Variants in CLIC5 observed in about 807,000 individuals in gnomAD.
CLIC5 encodes chloride intracellular channel protein 5.
Under a neutral mutation model 24.7 loss-of-function variants are expected in CLIC5, and 20 were observed. The ratio of observed to expected loss-of-function variants is 0.81; its 90% CI spans 0.57 to 1.18. The LOEUF (loss-of-function observed/expected upper bound fraction) is 1.18. Among genes scored for constraint, CLIC5 ranks in the 50% most tolerant of loss-of-function variants. The pLI is 0.00. For missense variants in CLIC5, 341 were observed against 326.1 expected (o/e 1.05, Z -0.35); for synonymous variants, 159 against 135.6 (o/e 1.17, Z -1.20).
At chr6:46,112,737 T>C in the CLIC5 span, among the ~76,000 whole-genome samples, 1 of 152,116 alleles carries the variant, frequency 6.6e-6, no homozygotes, top group African/African-American at 2.4e-5. Context: ...ATAAATGAGC[T>C]TATCAAGGTC....
chr6:45,982,386 C>T lies in CLIC5; in HGVS notation c.64-27142G>A, dbSNP rs371669991. Among the ~76,000 whole-genome samples, 111 of 152,134 alleles carry T rather than the reference C, an allele frequency of 7.3e-4. 1 individual carries two copies. The South Asian group carries it at 0.019, about 26-fold the overall frequency. The stretch of plus-strand genomic sequence containing the variant: ...TATTATAAATTTTTTTATACAGTCA[C>T]GAATTGCTTAATAATAGGGATGCAT... On this transcript the variant is annotated intron_variant, in intron 1 of 5. Transcript: ENST00000339561.
the CLIC5 span, among the ~76,000 whole-genome samples, chr6:46,103,498 T>C: frequency 1.3e-5 from 2 of 152,332 alleles, no homozygotes; most frequent in East Asian, 1.9e-4. Flanking sequence ...TGAGGACTGA[T>C]ACCTGTGAAG....
chr6:45,953,769 G>A, intron 2 of CLIC5, among the ~76,000 whole-genome samples: 1 of 152,194 alleles, frequency 6.6e-6, no homozygotes, highest in African/African-American at 2.4e-5. Flanking sequence ...GAGAAAAAGA[G>A]AATGTGTGAA....
At chr6:46,014,925 G>C (rs575354143) in intron 1 of CLIC5, among the ~76,000 whole-genome samples, 2 of 152,330 alleles carry the variant, frequency 1.3e-5, no homozygotes, top group South Asian at 4.1e-4. Flanking sequence ...TCGGAGAATG[G>C]AGTGCTTGTT....
chr6:45,997,645 G>A (rs1766199536), intron 1 of CLIC5, among the ~76,000 whole-genome samples: 1 of 152,090 alleles, frequency 6.6e-6, no homozygotes, highest in Non-Finnish European at 1.5e-5. Context: ...AACAAAATCA[G>A]TTAAAAATAC....
At chr6:46,077,751 T>A (rs552682076) in intron 1 of CLIC5, among the ~76,000 whole-genome samples, 21 of 152,338 alleles carry the variant, frequency 1.4e-4, no homozygotes, top group African/African-American at 4.8e-4. Context: ...CTAAAAAGAA[T>A]GTAAACTTAA....
intron 1 of CLIC5, among the ~76,000 whole-genome samples, chr6:46,004,409 A>G (rs552716065): frequency 6.6e-6 from 1 of 152,286 alleles, no homozygotes; most frequent in Non-Finnish European, 1.5e-5. Context: ...TGATTCGACC[A>G]TGCAAACCTA....
chr6:45,954,745 A>G (rs957412280), intron 2 of CLIC5, among the ~76,000 whole-genome samples: 4 of 152,138 alleles, frequency 2.6e-5, no homozygotes, highest in Non-Finnish European at 5.9e-5. Flanking sequence ...CTAGATCACA[A>G]CTCTCTGAAG....
intron 2 of CLIC5, among the ~76,000 whole-genome samples, chr6:45,954,476 A>C (rs1764577644): frequency 6.6e-6 from 1 of 152,216 alleles, no homozygotes; most frequent in African/African-American, 2.4e-5. Flanking sequence ...AGAATATGCC[A>C]AGCTCACCAG....
chr6:46,036,137 C>G (rs1243156229), intron 1 of CLIC5, among the ~76,000 whole-genome samples: 1 of 152,140 alleles, frequency 6.6e-6, no homozygotes. Flanking sequence ...TGCTTGGAGG[C>G]CTTCTCTTAA....
downstream of CLIC5, among the ~76,000 whole-genome samples, chr6:45,894,612 A>T (rs1762378493): frequency 6.6e-6 from 1 of 152,218 alleles, no homozygotes; most frequent in Non-Finnish European, 1.5e-5. Flanking sequence ...AAACTTATTG[A>T]CCAAGAAAAG....
chr6:46,028,983 C>T (rs1042923725), intron 1 of CLIC5, among the ~76,000 whole-genome samples: 1 of 152,196 alleles, frequency 6.6e-6, no homozygotes, highest in Non-Finnish European at 1.5e-5. Context: ...TCCCCCACCC[C>T]CACTAACCCC....
intron 1 of CLIC5, among the ~76,000 whole-genome samples, chr6:46,069,680 C>G (rs772977452): frequency 5.3e-5 from 8 of 152,096 alleles, no homozygotes; most frequent in Non-Finnish European, 1.2e-4. Context: ...ACTAAAACTT[C>G]CAAAAAATGG....
chr6:45,902,809 C>T lies in CLIC5; in HGVS notation c.*279G>A. 2.2e-6 allele frequency: 1 copy of T among 461,606 alleles called. No individual in the cohort carries two copies. Among genetic ancestry groups the T allele is most frequent in the East Asian group, 4.2e-5 (1 of 23,940 alleles). 28.6% of individuals were successfully genotyped at this position (461,606 alleles called of 1,614,324 possible). ...GTGGCAATCCCATATGTGGGCTCTC[C>T]AACACTGACTGACCCCAAACATGCT... On this transcript the variant is annotated 3_prime_UTR_variant, in exon 6 of 6. Coordinates refer to ENST00000339561, the MANE Select transcript of CLIC5 (RefSeq NM_016929.5).
chr6:46,013,643 A>C (rs916425779), intron 1 of CLIC5, among the ~76,000 whole-genome samples: 3 of 152,204 alleles, frequency 2.0e-5, no homozygotes, highest in Non-Finnish European at 4.4e-5. Context: ...TTGTGCAGTA[A>C]GGTTTTTATA....
intron 4 of CLIC5, among the ~76,000 whole-genome samples, chr6:45,928,235 GTTC>G (rs796769540): frequency 1.3e-5 from 2 of 152,300 alleles, no homozygotes; most frequent in Admixed American, 6.5e-5. Context: ...CCTGGTTTTA[GTTC>G]TTATGTCTTT....
In CLIC5 at chr6:46,051,404, G is replaced by T. The variant is rs187485438; in HGVS notation, c.540+28299C>A. 1.2e-3 allele frequency among the ~76,000 whole-genome samples: 182 copies of T among 152,306 alleles called. 4 individuals are homozygous for T. The South Asian group carries it at 0.028, about 23-fold the overall frequency. On this transcript the variant is annotated intron_variant, in intron 1 of 5. Transcript: ENST00000185206. ...TAAGTTGGTTCAAATGACATCTAAG[G>T]TCCTTTCCAGATAAAGATTGCTGAG...
At position 45,914,212 on chromosome 6, in the gene CLIC5, G is replaced by T; in HGVS notation, c.588+16C>A. The T allele has an allele frequency of 6.4e-7, 1 of 1,550,530 alleles. No homozygotes were observed. Among genetic ancestry groups the T allele is most frequent in the Non-Finnish European group, 8.8e-7 (1 of 1,139,106 alleles). On this transcript the variant is annotated intron_variant, in intron 5 of 5. Coordinates refer to ENST00000339561, the MANE Select transcript of CLIC5 (RefSeq NM_016929.5). Reference sequence around the variant, plus strand: ...GAGCTGGATCTTGCAGGCCCCTGTGGGTAGAGCTCTCTTACCTTGACCACA... The same window carrying T: ...GAGCTGGATCTTGCAGGCCCCTGTGTGTAGAGCTCTCTTACCTTGACCACA...
At chr6:45,917,852 A>G (rs1219956317) in intron 4 of CLIC5, among the ~76,000 whole-genome samples, 3 of 152,240 alleles carry the variant, frequency 2.0e-5, no homozygotes, top group Admixed American at 2.0e-4. Flanking sequence ...GAAAGAAACT[A>G]GAGCAACAAA....
Sources: gnomAD v4.1 joint callset for allele counts (sites outside exome capture counted in the v4.1 genomes callset) on GRCh38, gnomAD v4.1.1 for gene constraint, MANE v1.5 for transcripts, NCBI Gene and HGNC (gene_info 2026-07-23, HGNC 2026-07-21) for gene names.